Variants in RNASEH1 observed in about 807,000 individuals in gnomAD.
The protein encoded by RNASEH1 is ribonuclease H type II.
A neutral mutation model predicts 34.6 loss-of-function variants in RNASEH1; 27 were observed. That is an observed-to-expected ratio of 0.78 (90% confidence interval 0.58 to 1.08). The LOEUF (loss-of-function observed/expected upper bound fraction) is 1.08, where lower values mean the gene tolerates loss of function less well. RNASEH1 is among the 50% of genes least tolerant of loss of function. The pLI is 0.00. For synonymous variants in RNASEH1, 162 were observed against 138.4 expected (o/e 1.17, Z -1.20); for missense variants, 349 against 373.6 (o/e 0.93, Z 0.54).
Position 3,558,316 on chromosome 2 carries a change from C to CCGCCGGCGCTCAACACCGCACTTCCGT in RNASEH1, c.-57_-56insACGGAAGTGCGGTGTTGAGCGCCGGCG, listed in dbSNP as rs1660771753. ...ACTCCCGGCCCAGCGTGGGCGCGAG[C>CCGCCGGCGCTCAACACCGCACTTCCGT]CGCCGGCGCTCAACACCGCACTTCC... is the stretch of plus-strand genomic sequence containing the variant. On this transcript the variant is annotated 5_prime_UTR_variant, in exon 1 of 8. Transcript: ENST00000315212. 6.8e-7 allele frequency: 1 copy of CCGCCGGCGCTCAACACCGCACTTCCGT among 1,469,898 alleles called. No homozygotes were observed. Among genetic ancestry groups the CCGCCGGCGCTCAACACCGCACTTCCGT allele is most frequent in the Admixed American group, 2.6e-5 (1 of 38,922 alleles). The allele number at this position is 1,469,898 out of a possible 1,614,324, so 91.1% of individuals were successfully genotyped here.
the RNASEH1 span, among the ~76,000 whole-genome samples, chr2:3,536,026 G>A: frequency 2.8e-4 from 43 of 152,336 alleles, no homozygotes; most frequent in Middle Eastern, 3.4e-3. Flanking sequence ...CCACAGACAC[G>A]TCACTGCCCC....
rs753393121 is a variant in RNASEH1, at chr2:3,556,908, G to A, written c.129-4C>T. On this transcript the variant is annotated splice_region_variant and splice_polypyrimidine_tract_variant and intron_variant, in intron 1 of 7. Transcript: ENST00000315212. ...CACCTGTGCTCTGCACTCATTCCTG[G>A]AAAAGATGTGCAATGTTATTTCCTT... The A allele has an allele frequency of 1.3e-6, 2 of 1,593,172 alleles. No individual in the cohort carries two copies. Among genetic ancestry groups the A allele is most frequent in the South Asian group, 2.2e-5 (2 of 90,630 alleles).
At chr2:3,547,807 A>G (rs1572296908) in intron 7 of RNASEH1, 124 bp downstream of exon 7, 2 of 968,404 alleles carry the variant, frequency 2.1e-6, no homozygotes, top group Non-Finnish European at 3.2e-6. Context: ...TGTAATATAC[A>G]TTATGATATT....
the RNASEH1 span, among the ~76,000 whole-genome samples, chr2:3,536,193 C>A: frequency 1.3e-5 from 2 of 152,264 alleles, no homozygotes; most frequent in Admixed American, 1.3e-4. Flanking sequence ...TTTCATTGCA[C>A]TCACAGAGTA....
the RNASEH1 span, among the ~76,000 whole-genome samples, chr2:3,534,931 T>C: frequency 6.6e-6 from 1 of 152,242 alleles, no homozygotes; most frequent in Non-Finnish European, 1.5e-5. Flanking sequence ...CATGATTCCA[T>C]TTATACGGGG....
At chr2:3,556,308 G>GT (rs1183563934) in intron 2 of RNASEH1, among the ~76,000 whole-genome samples, 3,086 of 138,326 alleles carry the variant, frequency 0.022, 57 homozygotes, top group African/African-American at 0.042. Flanking sequence ...AACTATGTAA[G>GT]TTTTTTTTTT....
intron 3 of RNASEH1, among the ~76,000 whole-genome samples, chr2:3,551,782 A>T (rs1659943739): frequency 6.6e-6 from 1 of 152,204 alleles, no homozygotes; most frequent in Admixed American, 6.5e-5. Flanking sequence ...TGAATATGAA[A>T]GGTTAAAATG....
chr2:3,545,986 T>A, intron 7 of RNASEH1, 115 bp from the exon 8 acceptor site: 1 of 720,336 alleles, frequency 1.4e-6, no homozygotes, highest in Non-Finnish European at 2.5e-6. Context: ...AAGCTCAACT[T>A]CAACGCTCCT....
chr2:3,533,706 C>CG, the RNASEH1 span: 1 of 152,346 alleles, frequency 6.6e-6, no homozygotes, highest in African/African-American at 2.4e-5. Context: ...CTCCTCTCCA[C>CG]GTACCTCCCA....
At chr2:3,557,873 G>A in intron 1 of RNASEH1, 2 of 1,480,034 alleles carry the variant, frequency 1.4e-6, no homozygotes, top group Non-Finnish European at 9.1e-7. Flanking sequence ...TTAAACACAG[G>A]GTTTATTAGG....
the RNASEH1 span, chr2:3,532,015 C>CAT: frequency 1.9e-6 from 1 of 528,448 alleles, no homozygotes; most frequent in South Asian, 2.2e-5. Context: ...AGGTTTATTC[C>CAT]ATTTGGCCAA....
chr2:3,558,235 T>C lies in RNASEH1; in HGVS notation c.26A>G (p.His9Arg). MSWLLFLA[H>R]RVALAALPCR... is the part of the protein sequence containing the mutation. ...GGGCAAGGCGGCCAAGGCGACTCTGTGGGCCAGGAACAGAAGCCAGCTCAT... is the reference window on the plus strand; with the variant it reads ...GGGCAAGGCGGCCAAGGCGACTCTGCGGGCCAGGAACAGAAGCCAGCTCAT... Residue 9 changes from histidine to arginine, a missense_variant, in exon 1 of 8, where the codon CAC (histidine) becomes CGC (arginine). Physicochemically the swap from His to Arg is conservative, Grantham distance 29. Transcript: ENST00000315212. The C allele has an allele frequency of 6.3e-7, 1 of 1,597,630 alleles. No individual in the cohort carries two copies.
intron 4 of RNASEH1, chr2:3,550,106 G>T: frequency 2.5e-6 from 1 of 394,844 alleles, no homozygotes. Context: ...TTGTGCCACT[G>T]TACTCCATCC....
At chr2:3,532,748 T>C in the RNASEH1 span, among the ~76,000 whole-genome samples, 8 of 152,164 alleles carry the variant, frequency 5.3e-5, no homozygotes, top group East Asian at 1.9e-4. Flanking sequence ...CAGTGCATGA[T>C]TGCATGTAAA....
rs141202584 is a variant in RNASEH1 at position 3,542,368 on chromosome 2, G to A, written c.*3417C>T. Reference sequence around the variant, plus strand: ...AGGAAAAACAGCATATGACTGTCAGGGGAAGAAAACAAGATTCATCAGGCT... The same window carrying A: ...AGGAAAAACAGCATATGACTGTCAGAGGAAGAAAACAAGATTCATCAGGCT... On this transcript the variant is annotated 3_prime_UTR_variant, in exon 8 of 8. Transcript: ENST00000315212. Among the ~76,000 whole-genome samples the A allele has an allele frequency of 3.0e-4, 45 of 152,278 alleles. No individual in the cohort carries two copies. Among genetic ancestry groups the A allele is most frequent in the Non-Finnish European group, 6.3e-4 (43 of 68,018 alleles).
intron 2 of RNASEH1, among the ~76,000 whole-genome samples, chr2:3,555,793 G>A (rs961378056): frequency 4.5e-4 from 68 of 152,136 alleles, no homozygotes; most frequent in African/African-American, 1.4e-3. Flanking sequence ...TGCATAATGG[G>A]CTTTAAACTT....
chr2:3,552,419 CA>C, intron 2 of RNASEH1, 111 bp from the exon 3 acceptor site: 1 of 1,060,074 alleles, frequency 9.4e-7, no homozygotes. Context: ...GACTTAAAAA[CA>C]CCCTCTCTAT....
intron 2 of RNASEH1, among the ~76,000 whole-genome samples, chr2:3,556,552 T>G (rs915314224): frequency 6.6e-6 from 1 of 152,098 alleles, no homozygotes; most frequent in African/African-American, 2.4e-5. Context: ...GACAAGGAAT[T>G]ATGGCATAAA....
the RNASEH1 span, among the ~76,000 whole-genome samples, chr2:3,536,397 G>T: frequency 1.3e-5 from 2 of 150,930 alleles, no homozygotes; most frequent in Non-Finnish European, 3.0e-5. Context: ...TCCCCTCTGG[G>T]ACCAAGCTTG....
Sources: gnomAD v4.1 joint callset for allele counts (sites outside exome capture counted in the v4.1 genomes callset) on GRCh38, gnomAD v4.1.1 for gene constraint, MANE v1.5 for transcripts, NCBI Gene and HGNC (gene_info 2026-07-23, HGNC 2026-07-21) for gene names.